NRXN1: variants seen among roughly 807,000 people sequenced by gnomAD.
NRXN1 encodes neurexin 1.
In NRXN1, 39 loss-of-function variants were observed where a neutral mutation model predicts 150.9. The ratio of observed to expected loss-of-function variants is 0.26; its 90% CI spans 0.20 to 0.34. The LOEUF (loss-of-function observed/expected upper bound fraction) is 0.34, where lower values mean the gene tolerates loss of function less well. NRXN1 is among the 10% of genes least tolerant of loss of function. The pLI, the probability that NRXN1 is intolerant of heterozygous loss-of-function variation, is 1.00. For synonymous variants in NRXN1, 924 were observed against 757.0 expected (o/e 1.22, Z -3.62); for missense variants, 1,815 against 1,949.9 (o/e 0.93, Z 1.30).
intron 5 of NRXN1, among the ~76,000 whole-genome samples, chr2:50,802,709 G>A (rs1002684037): frequency 5.3e-5 from 8 of 152,078 alleles, no homozygotes; most frequent in Non-Finnish European, 1.0e-4. Context: ...GTTAAAATGA[G>A]GTCATTCATG....
At chr2:50,488,018 T>C (rs906833837) in intron 15 of NRXN1, among the ~76,000 whole-genome samples, 1 of 152,178 alleles carries the variant, frequency 6.6e-6, no homozygotes, top group Non-Finnish European at 1.5e-5. Flanking sequence ...CAAGCACTTA[T>C]GAGTTTCATC....
chr2:50,748,160 G>A (rs1056713245), intron 5 of NRXN1, among the ~76,000 whole-genome samples: 1 of 152,180 alleles, frequency 6.6e-6, no homozygotes, highest in Non-Finnish European at 1.5e-5. Context: ...CACACCTCTA[G>A]TAATAACCCA....
At chr2:50,676,377 C>T (rs939023663) in intron 5 of NRXN1, among the ~76,000 whole-genome samples, 1 of 151,980 alleles carries the variant, frequency 6.6e-6, no homozygotes, top group African/African-American at 2.4e-5. Flanking sequence ...ACACAAGTCC[C>T]GAAGAAGAAG....
chr2:50,653,620 A>G (rs1277633105), intron 5 of NRXN1, among the ~76,000 whole-genome samples: 1 of 152,090 alleles, frequency 6.6e-6, no homozygotes, highest in Non-Finnish European at 1.5e-5. Flanking sequence ...AAAGGCAGGA[A>G]AATTGAATTT....
At chr2:50,004,160 G>A (rs1174688209) in intron 21 of NRXN1, among the ~76,000 whole-genome samples, 1 of 152,018 alleles carries the variant, frequency 6.6e-6, no homozygotes, top group African/African-American at 2.4e-5. Flanking sequence ...CATAGTGAAA[G>A]TCTTGTAGTT....
intron 15 of NRXN1, among the ~76,000 whole-genome samples, chr2:50,495,475 A>C (rs1248305378): frequency 6.6e-6 from 1 of 151,408 alleles, no homozygotes; most frequent in Non-Finnish European, 1.5e-5. Context: ...AGCCAGGCTC[A>C]AACTCCTGTT....
At chr2:50,368,139 T>A (rs2079735856) in intron 17 of NRXN1, among the ~76,000 whole-genome samples, 1 of 152,018 alleles carries the variant, frequency 6.6e-6, no homozygotes, top group Non-Finnish European at 1.5e-5. Context: ...TTGTTCTTTC[T>A]TTTGTGCACA....
chr2:51,002,250 G>A (rs10175172), intron 2 of NRXN1, among the ~76,000 whole-genome samples: 1 of 151,888 alleles, frequency 6.6e-6, no homozygotes, highest in Admixed American at 6.6e-5. Context: ...GTGAGGGAAA[G>A]GTATTTTTCC....
intron 18 of NRXN1, among the ~76,000 whole-genome samples, chr2:50,208,788 T>C (rs1337274651): frequency 1.3e-5 from 2 of 152,158 alleles, no homozygotes; most frequent in Non-Finnish European, 2.9e-5. Context: ...GTAGCCCAAA[T>C]TTTAAAAAAT....
chr2:50,391,655 G>A (rs903376914), intron 17 of NRXN1, among the ~76,000 whole-genome samples: 32 of 152,172 alleles, frequency 2.1e-4, no homozygotes, highest in African/African-American at 7.5e-4. Context: ...AAGTTCCAAT[G>A]TACTAATAAG....
intron 5 of NRXN1, among the ~76,000 whole-genome samples, chr2:50,695,467 G>A (rs575977772): frequency 7.2e-5 from 11 of 152,236 alleles, no homozygotes; most frequent in African/African-American, 2.4e-4. Flanking sequence ...TATTAACTAT[G>A]GGTAATCCCT....
chr2:50,155,931 A>C (rs563690655), intron 18 of NRXN1, among the ~76,000 whole-genome samples: 29 of 151,830 alleles, frequency 1.9e-4, no homozygotes, highest in African/African-American at 6.7e-4. Context: ...GTTCTTAAAA[A>C]AGTAGAAATT....
chr2:50,275,546 G>A lies in NRXN1; in HGVS notation c.3365-38576C>T, dbSNP rs187225474. On this transcript the variant is annotated intron_variant, in intron 17 of 22. Coordinates refer to ENST00000401669, the MANE Select transcript of NRXN1 (RefSeq NM_001330078.2). ...TGGGTAGTTGTCTTCACTTACTATAGTCCCAGAACATAATTGTTGCCCCTT... is the reference window on the plus strand; with the variant it reads ...TGGGTAGTTGTCTTCACTTACTATAATCCCAGAACATAATTGTTGCCCCTT... 1.8e-3 allele frequency among the ~76,000 whole-genome samples: 273 copies of A among 151,408 alleles called. 2 individuals carry two copies. The highest frequency in any genetic ancestry group is 6.4e-3 in the African/African-American group (265 of 41,308).
intron 17 of NRXN1, 68 bp downstream of exon 17, chr2:50,465,374 G>C: frequency 1.4e-6 from 2 of 1,466,300 alleles, no homozygotes; most frequent in Admixed American, 4.2e-5. Flanking sequence ...TTCAGTGTTA[G>C]ACTTTAGATA....
intron 5 of NRXN1, among the ~76,000 whole-genome samples, chr2:50,794,806 T>A (rs1213837742): frequency 2.0e-5 from 3 of 152,144 alleles, no homozygotes. Flanking sequence ...GTAATATGGC[T>A]TAATAGCAAA....
intron 18 of NRXN1, among the ~76,000 whole-genome samples, chr2:50,208,219 A>T (rs551509279): frequency 7.9e-5 from 12 of 152,166 alleles, no homozygotes; most frequent in African/African-American, 2.9e-4. Flanking sequence ...CTACCAGGGT[A>T]CCCTCATCCA....
chr2:50,095,575 G>GA (rs1019697371), intron 18 of NRXN1, among the ~76,000 whole-genome samples: 26 of 152,104 alleles, frequency 1.7e-4, no homozygotes, highest in Admixed American at 5.9e-4. Flanking sequence ...TGTTAAAGGT[G>GA]AAAAATGCAC....
intron 17 of NRXN1, among the ~76,000 whole-genome samples, chr2:50,351,488 G>A (rs1042904023): frequency 2.0e-5 from 3 of 152,226 alleles, no homozygotes; most frequent in East Asian, 1.9e-4. Flanking sequence ...TTGGTCCAAC[G>A]AAAGTTAGGA....
chr2:49,950,536 T>C (rs1476095344), intron 21 of NRXN1, among the ~76,000 whole-genome samples: 1 of 152,006 alleles, frequency 6.6e-6, no homozygotes, highest in Non-Finnish European at 1.5e-5. Context: ...CATGAAGGTA[T>C]AAATTGTGGT....
Sources: gnomAD v4.1 joint callset for allele counts (sites outside exome capture counted in the v4.1 genomes callset) on GRCh38, gnomAD v4.1.1 for gene constraint, MANE v1.5 for transcripts, NCBI Gene and HGNC (gene_info 2026-07-23, HGNC 2026-07-21) for gene names.